NUDT3: variants seen among roughly 807,000 people sequenced by gnomAD.
NUDT3 encodes nudix hydrolase 3, also known as diphosphoinositol polyphosphate phosphohydrolase 1.
In NUDT3, 9 loss-of-function variants were observed where a neutral mutation model predicts 23.6. The ratio of observed to expected loss-of-function variants is 0.38; its 90% CI spans 0.23 to 0.66. The LOEUF is 0.66. Among genes scored for constraint, NUDT3 ranks in the 30% least tolerant of loss-of-function variants. The pLI is 0.52. For synonymous variants in NUDT3, 86 were observed against 82.6 expected (o/e 1.04, Z -0.22); for missense variants, 172 against 218.5 (o/e 0.79, Z 1.34).
intron 1 of NUDT3, among the ~76,000 whole-genome samples, chr6:34,380,337 C>T (rs1764993501): frequency 2.0e-5 from 3 of 152,206 alleles, no homozygotes; most frequent in African/African-American, 7.2e-5. Context: ...CAGGCGCGAG[C>T]CACAGCGCCC....
chr6:34,352,031 C>CA (rs933915501), intron 1 of NUDT3, among the ~76,000 whole-genome samples: 60 of 148,216 alleles, frequency 4.0e-4, no homozygotes, highest in African/African-American at 1.2e-3. Context: ...CCTGTCTCCA[C>CA]AAAAAAAACA....
At chr6:34,314,144 T>TG (rs1763822253) in intron 2 of NUDT3, among the ~76,000 whole-genome samples, 1 of 147,520 alleles carries the variant, frequency 6.8e-6, no homozygotes, top group African/African-American at 2.5e-5. Context: ...AAACCTTGGC[T>TG]GGGGGCGGTG....
At chr6:34,348,455 C>CT in intron 1 of NUDT3, among the ~76,000 whole-genome samples, 1 of 151,966 alleles carries the variant, frequency 6.6e-6, no homozygotes, top group East Asian at 1.9e-4. Context: ...GCACTCCAGC[C>CT]TGAGTGACAG....
intron 1 of NUDT3, among the ~76,000 whole-genome samples, chr6:34,367,512 T>C (rs1011170935): frequency 6.7e-6 from 1 of 148,390 alleles, no homozygotes; most frequent in Non-Finnish European, 1.5e-5. Context: ...AAAAATGTAA[T>C]AAATAAAAGG....
intron 2 of NUDT3, among the ~76,000 whole-genome samples, chr6:34,302,747 A>G (rs1763618941): frequency 6.6e-6 from 1 of 152,190 alleles, no homozygotes; most frequent in South Asian, 2.1e-4. Flanking sequence ...AAAACAAAAC[A>G]AAAAACAAAA....
At chr6:34,366,474 A>G (rs1235691444) in intron 1 of NUDT3, among the ~76,000 whole-genome samples, 2 of 6,476 alleles carry the variant, frequency 3.1e-4, no homozygotes, top group Non-Finnish European at 4.4e-4. Context: ...GAGAGAGGGA[A>G]GGGAGGGAGG....
intron 2 of NUDT3, among the ~76,000 whole-genome samples, chr6:34,302,651 G>A (rs1485260011): frequency 6.6e-6 from 1 of 152,168 alleles, no homozygotes; most frequent in African/African-American, 2.4e-5. Flanking sequence ...AGAATTGCTT[G>A]AACCTGGGAG....
intron 1 of NUDT3, among the ~76,000 whole-genome samples, chr6:34,366,473 AAGGGAGGG>A (rs529092584): frequency 0.053 from 1,577 of 29,814 alleles, 70 homozygotes; most frequent in African/African-American, 0.12. Flanking sequence ...AGAGAGAGGG[AAGGGAGGG>A]AGGGAGGGAG....
In NUDT3 at chr6:34,319,071, T is replaced by C. The variant is rs7739644; in HGVS notation, c.210+22791A>G. 1.4e-3 allele frequency among the ~76,000 whole-genome samples: 212 copies of C among 148,352 alleles called. 1 individual carries two copies. The highest frequency in any genetic ancestry group is 4.9e-3 in the African/African-American group (197 of 40,522). On this transcript the variant is annotated intron_variant, in intron 2 of 4. Coordinates refer to ENST00000607016, the MANE Select transcript of NUDT3 (RefSeq NM_006703.4). ...AAAAAAGGGCTGGGATGGTAGAAAA[T>C]GACAGCTGTAAGGCAGGGAAAACTC...
At chr6:34,354,749 A>ATATATATATATTTATT (rs570166534) in intron 1 of NUDT3, among the ~76,000 whole-genome samples, 2 of 144,544 alleles carry the variant, frequency 1.4e-5, no homozygotes, top group Admixed American at 6.9e-5. Flanking sequence ...ATATATATAT[A>ATATATATATATTTATT]TATTTATTTA....
At chr6:34,392,173 C>A in intron 1 of NUDT3, 91 bp downstream of exon 1, 1 of 981,902 alleles carries the variant, frequency 1.0e-6, no homozygotes, top group East Asian at 2.9e-5. Flanking sequence ...GCGGCCCTGG[C>A]ACACCCTCCT....
At chr6:34,360,207 C>T (rs192039280) in intron 1 of NUDT3, among the ~76,000 whole-genome samples, 176 of 137,706 alleles carry the variant, frequency 1.3e-3, no homozygotes, top group African/African-American at 4.5e-3. Context: ...CACTGCACTC[C>T]AGCCTGGGAA....
rs1235001416 is a variant in NUDT3 at position 34,281,540 on chromosome 6, GAC to G, written c.*7211_*7212del. 1 of 152,060 alleles carries G rather than the reference GAC, an allele frequency of 6.6e-6. No homozygotes were observed. Among genetic ancestry groups the G allele is most frequent in the East Asian group, 1.9e-4 (1 of 5,170 alleles). 9.4% of individuals were successfully genotyped at this position (152,060 alleles called of 1,614,324 possible). A position where few individuals can be genotyped will look rare whatever the true frequency, so the allele number is the denominator to read the frequency against. On this transcript the variant is annotated 3_prime_UTR_variant, in exon 5 of 5. Coordinates refer to ENST00000607016, the MANE Select transcript of NUDT3 (RefSeq NM_006703.4). ...CTTTTCTTTGATTATCAACCAGTTT[GAC>G]AGTCTTCAGATCACAAAACAATAGA...
intron 2 of NUDT3, among the ~76,000 whole-genome samples, chr6:34,307,551 G>A (rs1269263688): frequency 2.0e-5 from 3 of 152,102 alleles, no homozygotes; most frequent in Admixed American, 6.6e-5. Context: ...TCTCCAGTCT[G>A]GGCAACAGTG....
intron 2 of NUDT3, among the ~76,000 whole-genome samples, chr6:34,336,821 T>G (rs1183729524): frequency 2.0e-5 from 3 of 152,194 alleles, no homozygotes; most frequent in Non-Finnish European, 4.4e-5. Context: ...GGTTTTCAAC[T>G]AATTGGTATA....
intron 2 of NUDT3, among the ~76,000 whole-genome samples, chr6:34,319,828 T>G (rs1055445112): frequency 6.6e-6 from 1 of 152,092 alleles, no homozygotes; most frequent in Non-Finnish European, 1.5e-5. Flanking sequence ...GGGGAAAGAT[T>G]AGAGTCCTGC....
intron 2 of NUDT3, among the ~76,000 whole-genome samples, chr6:34,302,792 G>A (rs944923505): frequency 3.9e-5 from 6 of 152,046 alleles, no homozygotes; most frequent in African/African-American, 1.4e-4. Context: ...TAAAATTACA[G>A]TCACATATCT....
chr6:34,298,584 T>TA (rs1763550844), intron 2 of NUDT3, among the ~76,000 whole-genome samples: 1 of 152,144 alleles, frequency 6.6e-6, no homozygotes. Context: ...CACTTCTAAT[T>TA]AGTCTTTCAC....
intron 1 of NUDT3, among the ~76,000 whole-genome samples, chr6:34,391,188 C>A (rs1318218912): frequency 6.6e-6 from 1 of 152,174 alleles, no homozygotes; most frequent in Non-Finnish European, 1.5e-5. Context: ...TCATAACTAA[C>A]GGGTCAAGTT....
Sources: gnomAD v4.1 joint callset for allele counts (sites outside exome capture counted in the v4.1 genomes callset) on GRCh38, gnomAD v4.1.1 for gene constraint, MANE v1.5 for transcripts, NCBI Gene and HGNC (gene_info 2026-07-23, HGNC 2026-07-21) for gene names.